Variants in TRAPPC9 observed in about 807,000 individuals in gnomAD.
TRAPPC9 encodes IKK2 binding protein.
TRAPPC9 carries 83 observed loss-of-function variants against 124.0 expected under a neutral mutation model. That is an observed-to-expected ratio of 0.67 (90% CI 0.56 to 0.80). The LOEUF is 0.80. Among genes scored for constraint, TRAPPC9 ranks in the 30% least tolerant of loss-of-function variants. The pLI, the probability that TRAPPC9 is intolerant of heterozygous loss-of-function variation, is 0.00. For missense variants in TRAPPC9, 1,302 were observed against 1,508.3 expected, an observed-to-expected ratio of 0.86 and a Z score of 2.27; for synonymous variants, 638 against 617.5, an observed-to-expected ratio of 1.03 and a Z score of -0.49.
At chr8:139,867,904 G>T (rs1828652834) in intron 21 of TRAPPC9, among the ~76,000 whole-genome samples, 1 of 152,160 alleles carries the variant, frequency 6.6e-6, no homozygotes, top group Non-Finnish European at 1.5e-5. Flanking sequence ...GGGATAGCTG[G>T]AAAAACTGGA....
intron 21 of TRAPPC9, among the ~76,000 whole-genome samples, chr8:139,807,303 C>T (rs1009666047): frequency 6.6e-6 from 1 of 152,180 alleles, no homozygotes; most frequent in Non-Finnish European, 1.5e-5. Flanking sequence ...GAGACCCAAC[C>T]CCAGAATCAC....
chr8:140,343,857 T>C (rs1028388676), intron 9 of TRAPPC9, among the ~76,000 whole-genome samples: 3 of 152,054 alleles, frequency 2.0e-5, no homozygotes, highest in Admixed American at 6.6e-5. Flanking sequence ...GAGAACTAAG[T>C]CTTACTTGCA....
intron 11 of TRAPPC9, among the ~76,000 whole-genome samples, chr8:140,300,032 T>G (rs537475433): frequency 6.6e-6 from 1 of 152,234 alleles, no homozygotes; most frequent in Non-Finnish European, 1.5e-5. Context: ...CACATAAGTC[T>G]CAGTTAACAA....
intron 21 of TRAPPC9, among the ~76,000 whole-genome samples, chr8:139,796,655 G>A (rs1168954643): frequency 6.6e-6 from 1 of 152,196 alleles, no homozygotes; most frequent in Non-Finnish European, 1.5e-5. Flanking sequence ...CCATTCAGCA[G>A]CTGATGAGCA....
chr8:139,936,736 AGGGAGAGAATAGGGGAG>A (rs1833547597), intron 19 of TRAPPC9, among the ~76,000 whole-genome samples: 1 of 140,656 alleles, frequency 7.1e-6, no homozygotes, highest in Non-Finnish European at 1.5e-5. Flanking sequence ...GGTATAAAGC[AGGGAGAGAATAGGGGAG>A]TGGGCACTGC....
intron 21 of TRAPPC9, among the ~76,000 whole-genome samples, chr8:139,761,236 A>C (rs1325770331): frequency 6.6e-6 from 1 of 152,114 alleles, no homozygotes; most frequent in African/African-American, 2.4e-5. Flanking sequence ...CTGGGGGAGA[A>C]ACAGAGACCA....
intron 15 of TRAPPC9, among the ~76,000 whole-genome samples, chr8:140,259,824 G>C (rs1306494365): frequency 6.6e-6 from 1 of 152,244 alleles, no homozygotes; most frequent in Non-Finnish European, 1.5e-5. Context: ...ATGGCTCACA[G>C]GGCCTGGCCA....
chr8:139,960,016 C>T (rs74920285), intron 19 of TRAPPC9, among the ~76,000 whole-genome samples: 1,569 of 152,316 alleles, frequency 0.01, 17 homozygotes, highest in Non-Finnish European at 0.017. Context: ...GTGTCAGATG[C>T]TTGAGCAGAC....
intron 21 of TRAPPC9, among the ~76,000 whole-genome samples, chr8:139,749,210 G>C (rs1349712539): frequency 6.6e-6 from 1 of 152,074 alleles, no homozygotes; most frequent in Non-Finnish European, 1.5e-5. Context: ...ACCTGCTCCA[G>C]GAAGACTTCC....
chr8:140,066,035 C>G (rs883612), intron 17 of TRAPPC9, among the ~76,000 whole-genome samples: 57,802 of 152,098 alleles, frequency 0.38, 13,400 homozygotes, highest in Middle Eastern at 0.56. Flanking sequence ...ATGCTAGATG[C>G]CAGTAAGAAC....
At chr8:140,304,392 G>A (rs2066066617) in intron 10 of TRAPPC9, among the ~76,000 whole-genome samples, 1 of 152,044 alleles carries the variant, frequency 6.6e-6, no homozygotes, top group Admixed American at 6.6e-5. Flanking sequence ...ACCGTGCCCA[G>A]CCCCAATTTT....
chr8:140,119,457 G>A (rs148130365), intron 17 of TRAPPC9, among the ~76,000 whole-genome samples: 211 of 152,184 alleles, frequency 1.4e-3, no homozygotes, highest in African/African-American at 4.7e-3. Context: ...GCCTCACCCC[G>A]TGAGTTTTGG....
At chr8:140,351,999 C>T (rs553777418) in intron 9 of TRAPPC9, among the ~76,000 whole-genome samples, 1 of 152,208 alleles carries the variant, frequency 6.6e-6, no homozygotes, top group Admixed American at 6.5e-5. Context: ...CGCCTCAACC[C>T]CATACCCTTT....
chr8:140,315,769 G>T (rs2066427156), intron 9 of TRAPPC9, among the ~76,000 whole-genome samples: 2 of 152,178 alleles, frequency 1.3e-5, no homozygotes, highest in African/African-American at 2.4e-5. Flanking sequence ...GACATAATTT[G>T]TCTTATTTGG....
rs147710004 is a variant in TRAPPC9, at chr8:140,038,766, A to G, written c.2557-14687T>C. Among the ~76,000 whole-genome samples the G allele has an allele frequency of 4.8e-3, 729 of 152,318 alleles. 9 individuals carry two copies. Among genetic ancestry groups the G allele is most frequent in the African/African-American group, 0.017 (700 of 41,570 alleles). On this transcript the variant is annotated intron_variant, in intron 17 of 22. Coordinates refer to ENST00000438773, the MANE Select transcript of TRAPPC9 (RefSeq NM_001160372.4). ...TCTCGACAGGAAACCAGATGTGCCA[A>G]TATCTGCCAAGTCTGTCTAATCCAC...
chr8:139,964,179 G>A (rs1278816376), intron 19 of TRAPPC9, among the ~76,000 whole-genome samples: 1 of 144,468 alleles, frequency 6.9e-6, no homozygotes, highest in African/African-American at 2.6e-5. Flanking sequence ...AGCAGAGATC[G>A]CGCCACCTGT....
intron 11 of TRAPPC9, among the ~76,000 whole-genome samples, chr8:140,295,923 T>C (rs1487747251): frequency 6.6e-6 from 1 of 152,232 alleles, no homozygotes; most frequent in Non-Finnish European, 1.5e-5. Context: ...ACTTGCGTTA[T>C]ATCTCAGAAA....
At chr8:139,834,810 C>A (rs768869476) in intron 21 of TRAPPC9, among the ~76,000 whole-genome samples, 3 of 152,146 alleles carry the variant, frequency 2.0e-5, no homozygotes, top group Non-Finnish European at 4.4e-5. Context: ...CATCATCAGG[C>A]GCATTTCAGG....
intron 5 of TRAPPC9, among the ~76,000 whole-genome samples, chr8:140,419,332 G>C (rs1384336930): frequency 6.7e-6 from 1 of 149,406 alleles, no homozygotes; most frequent in East Asian, 2.1e-4. Context: ...GGGAGGCTGA[G>C]GCAGGAGAAT....
Sources: allele counts gnomAD v4.1 joint callset (sites outside exome capture counted in the v4.1 genomes callset), GRCh38; gene constraint gnomAD v4.1.1; transcripts MANE v1.5; gene names NCBI Gene and HGNC (gene_info 2026-07-23, HGNC 2026-07-21).